TMEM132D: variants seen among roughly 807,000 people sequenced by gnomAD.
TMEM132D encodes transmembrane protein 132D.
Under a neutral mutation model 62.3 loss-of-function variants are expected in TMEM132D, and 21 were observed. That is an observed-to-expected ratio of 0.34 (90% CI 0.24 to 0.49). The LOEUF is 0.49. Ranked by LOEUF, TMEM132D falls within the 20% of genes least tolerant of loss-of-function variation. TMEM132D has a pLI of 0.99. For missense variants in TMEM132D, 1,346 were observed against 1,402.8 expected, an observed-to-expected ratio of 0.96 and a Z score of 0.65; for synonymous variants, 621 against 575.6, an observed-to-expected ratio of 1.08 and a Z score of -1.13.
chr12:129,871,292 G>A (rs933176836), intron 1 of TMEM132D, among the ~76,000 whole-genome samples: 1 of 152,058 alleles, frequency 6.6e-6, no homozygotes, highest in African/African-American at 2.4e-5. Flanking sequence ...GGAGGATGGA[G>A]GTCATCCTGA....
At chr12:129,786,190 G>C (rs1486123547) in intron 1 of TMEM132D, among the ~76,000 whole-genome samples, 1 of 152,046 alleles carries the variant, frequency 6.6e-6, no homozygotes, top group Non-Finnish European at 1.5e-5. Context: ...TGGAGGGCTG[G>C]ATGCCCACCA....
At chr12:129,283,997 C>A (rs1184834780) in intron 4 of TMEM132D, among the ~76,000 whole-genome samples, 2 of 152,250 alleles carry the variant, frequency 1.3e-5, no homozygotes, top group Non-Finnish European at 1.5e-5. Context: ...CTTTCTTATT[C>A]TTGAAACTCA....
chr12:129,742,232 AG>A (rs1406721350), intron 1 of TMEM132D, among the ~76,000 whole-genome samples: 1 of 152,206 alleles, frequency 6.6e-6, no homozygotes, highest in Non-Finnish European at 1.5e-5. Context: ...TAATTTATAA[AG>A]AAAAGAGGTT....
intron 3 of TMEM132D, among the ~76,000 whole-genome samples, chr12:129,505,762 A>G (rs964717755): frequency 7.2e-5 from 11 of 152,210 alleles, no homozygotes; most frequent in Admixed American, 6.5e-4. Flanking sequence ...AAGGCTTCTT[A>G]TCATTATATA....
chr12:129,320,690 A>C (rs1868670670), intron 4 of TMEM132D, among the ~76,000 whole-genome samples: 1 of 152,246 alleles, frequency 6.6e-6, no homozygotes, highest in African/African-American at 2.4e-5. Flanking sequence ...TACCATCTAC[A>C]GTATAGAAAA....
chr12:129,084,435 C>A (rs2135619245), intron 6 of TMEM132D, 62 bp downstream of exon 6: 1 of 1,485,894 alleles, frequency 6.7e-7, no homozygotes. Context: ...CAGTCATGCC[C>A]AAATTTACCA....
intron 2 of TMEM132D, among the ~76,000 whole-genome samples, chr12:129,669,063 G>C (rs1243737033): frequency 6.6e-6 from 1 of 152,164 alleles, no homozygotes; most frequent in Non-Finnish European, 1.5e-5. Flanking sequence ...CCATGGCTGG[G>C]CTCGGCTTTT....
chr12:129,373,649 A>G (rs973913713), intron 3 of TMEM132D, among the ~76,000 whole-genome samples: 8 of 151,124 alleles, frequency 5.3e-5, no homozygotes, highest in African/African-American at 2.0e-4. Context: ...AAAACAAAAC[A>G]AAACAAAATA....
At chr12:129,407,193 C>A (rs978653908) in intron 3 of TMEM132D, among the ~76,000 whole-genome samples, 1 of 152,180 alleles carries the variant, frequency 6.6e-6, no homozygotes, top group Non-Finnish European at 1.5e-5. Flanking sequence ...TAATTACAAC[C>A]GCAGGCTAAT....
At chr12:129,077,735 C>T (rs1334274463) in intron 8 of TMEM132D, among the ~76,000 whole-genome samples, 2 of 152,018 alleles carry the variant, frequency 1.3e-5, no homozygotes, top group South Asian at 2.1e-4. Flanking sequence ...TAGACACATG[C>T]AATGCATACA....
At chr12:129,745,337 T>C (rs1370270705) in intron 1 of TMEM132D, among the ~76,000 whole-genome samples, 1 of 152,232 alleles carries the variant, frequency 6.6e-6, no homozygotes, top group Non-Finnish European at 1.5e-5. Flanking sequence ...GCAGTGACTC[T>C]TCCAAAGTCA....
intron 5 of TMEM132D, among the ~76,000 whole-genome samples, chr12:129,199,102 CTTTTTTT>C (rs58775767): frequency 3.1e-5 from 3 of 95,826 alleles, no homozygotes; most frequent in Admixed American, 1.3e-4. Context: ...GTCCATCTAC[CTTTTTTT>C]TTTTTTTTTT....
At position 129,727,254 on chromosome 12, in the gene TMEM132D, G is replaced by C. The variant is rs1008449000; in HGVS notation, c.80-26556C>G. ...TATGGCTTATGGTTCCGGAGGTTGGGAAGTTCAAGAGCATGGCACTGGCAT... is the reference window on the plus strand; with the variant it reads ...TATGGCTTATGGTTCCGGAGGTTGGCAAGTTCAAGAGCATGGCACTGGCAT... On this transcript the variant is annotated intron_variant, in intron 1 of 8. Coordinates refer to ENST00000422113, the MANE Select transcript of TMEM132D (RefSeq NM_133448.3). 3.3e-5 allele frequency among the ~76,000 whole-genome samples: 5 copies of C among 152,184 alleles called. No individual in the cohort carries two copies. The East Asian group carries it at 9.7e-4, about 29-fold the overall frequency.
chr12:129,818,406 T>G (rs1183790921), intron 1 of TMEM132D, among the ~76,000 whole-genome samples: 1 of 146,896 alleles, frequency 6.8e-6, no homozygotes, highest in Non-Finnish European at 1.5e-5. Context: ...GGGGTGTGTG[T>G]GGGGTTTTAA....
At chr12:129,436,091 G>C (rs748136781) in intron 3 of TMEM132D, among the ~76,000 whole-genome samples, 4 of 152,046 alleles carry the variant, frequency 2.6e-5, no homozygotes, top group Non-Finnish European at 5.9e-5. Flanking sequence ...CAGCTGTGAG[G>C]GTCGGAGCCA....
chr12:129,553,560 C>G (rs1352765343), intron 2 of TMEM132D, among the ~76,000 whole-genome samples: 1 of 152,172 alleles, frequency 6.6e-6, no homozygotes, highest in Non-Finnish European at 1.5e-5. Flanking sequence ...TGGATACCAG[C>G]CTGATTTGTA....
intron 3 of TMEM132D, among the ~76,000 whole-genome samples, chr12:129,451,549 C>CA (rs768484313): frequency 6.6e-6 from 1 of 152,002 alleles, no homozygotes; most frequent in East Asian, 1.9e-4. Flanking sequence ...GGATACTAAG[C>CA]AAAAAATCTC....
intron 3 of TMEM132D, among the ~76,000 whole-genome samples, chr12:129,345,570 T>A (rs1015868366): frequency 2.0e-5 from 3 of 152,214 alleles, no homozygotes; most frequent in African/African-American, 7.2e-5. Context: ...TTTAATACTA[T>A]ACTTCAAGTG....
intron 3 of TMEM132D, among the ~76,000 whole-genome samples, chr12:129,425,621 T>C (rs895621881): frequency 2.0e-5 from 3 of 152,190 alleles, no homozygotes; most frequent in Non-Finnish European, 4.4e-5. Context: ...CTTCTGTTTC[T>C]GGAGTGGAAT....
Sources: gnomAD v4.1 joint callset for allele counts (sites outside exome capture counted in the v4.1 genomes callset) on GRCh38, gnomAD v4.1.1 for gene constraint, MANE v1.5 for transcripts, NCBI Gene and HGNC (gene_info 2026-07-23, HGNC 2026-07-21) for gene names.